The following SNX29 variants were observed in gnomAD, a reference collection of about 807,000 sequenced individuals.
The protein encoded by SNX29 is sorting nexin 29.
SNX29 carries 78 observed loss-of-function variants against 102.1 expected under a neutral mutation model. That is an observed-to-expected ratio of 0.76 (90% CI 0.64 to 0.92). The LOEUF is 0.92. SNX29 is among the 40% of genes least tolerant of loss of function. The probability of loss-of-function intolerance (pLI) is 0.00; values close to 1 mark genes in which losing one functional copy is unlikely to be tolerated. For synonymous variants in SNX29, 580 were observed against 414.5 expected, an observed-to-expected ratio of 1.40 and a Z score of -4.85; for missense variants, 1,280 against 1,061.7, an observed-to-expected ratio of 1.21 and a Z score of -2.86.
intron 13 of SNX29, among the ~76,000 whole-genome samples, chr16:12,155,320 G>A (rs1457850477): frequency 6.6e-6 from 1 of 152,220 alleles, no homozygotes; most frequent in Admixed American, 6.5e-5. Context: ...CCTGTGTTAA[G>A]TCGGTGGATT....
intron 13 of SNX29, among the ~76,000 whole-genome samples, chr16:12,152,223 A>G (rs887811923): frequency 5.9e-5 from 9 of 152,128 alleles, no homozygotes; most frequent in African/African-American, 2.2e-4. Flanking sequence ...CCTATCTTAA[A>G]AAAAAAATGC....
chr16:12,570,116 G>C lies in SNX29; in HGVS notation c.*1487G>C, dbSNP rs60991168. Reference sequence around the variant, plus strand: ...TCCCCTCGTAGCAAAAAGGAAGATTGTTCATGGCCTTTAAGGAAGGCTGAG... The same window carrying C: ...TCCCCTCGTAGCAAAAAGGAAGATTCTTCATGGCCTTTAAGGAAGGCTGAG... On this transcript the variant is annotated 3_prime_UTR_variant, in exon 21 of 21. Coordinates refer to ENST00000566228, the MANE Select transcript of SNX29 (RefSeq NM_032167.5). 9.7e-7 allele frequency: 1 copy of C among 1,026,626 alleles called. No homozygotes were observed. The highest frequency in any genetic ancestry group is 1.2e-6 in the Non-Finnish European group (1 of 844,356). 63.6% of individuals were successfully genotyped at this position (1,026,626 alleles called of 1,614,324 possible).
intron 18 of SNX29, among the ~76,000 whole-genome samples, chr16:12,426,403 A>G (rs2085081705): frequency 6.6e-6 from 1 of 152,050 alleles, no homozygotes; most frequent in Non-Finnish European, 1.5e-5. Context: ...GTGACACGTC[A>G]CTCCCTCAAA....
rs1481926934 is a variant in SNX29, at chr16:12,398,467, AC to A, written c.1922del (p.Thr641SerfsTer17). ...RGPVPGDLSQ[T>X]SEDQSLSDFE... ...GTAGGTGCCTGGAGATTTGAGTCAA[AC>A]GTCCGAAGACCAGAGTTTGTCGGAT... is the stretch of plus-strand genomic sequence containing the variant. On this transcript the variant is annotated frameshift_variant, in exon 17 of 21. Coordinates refer to ENST00000566228, the MANE Select transcript of SNX29 (RefSeq NM_032167.5). LOFTEE classifies it high-confidence loss of function. 6.2e-7 allele frequency: 1 copy of A among 1,613,972 alleles called. No homozygotes were observed. The highest frequency in any genetic ancestry group is 8.5e-7 in the Non-Finnish European group (1 of 1,179,874).
rs563859683 is a variant in SNX29, at chr16:12,570,146, C to A, written c.*1517C>A. 8.5e-6 allele frequency: 9 copies of A among 1,063,276 alleles called. No individual in the cohort carries two copies. Among genetic ancestry groups the A allele is most frequent in the Non-Finnish European group, 1.0e-5 (9 of 877,580 alleles). The allele number at this position is 1,063,276 out of a possible 1,614,324, so 65.9% of individuals were successfully genotyped here. ...TGGCCTTTAAGGAAGGCTGAGATCA[C>A]TCACACACAGCGCCCCCCCACCCCA... On this transcript the variant is annotated 3_prime_UTR_variant, in exon 21 of 21. Transcript: ENST00000566228.
At chr16:12,063,352 T>C (rs1321876811) in intron 9 of SNX29, among the ~76,000 whole-genome samples, 4 of 147,514 alleles carry the variant, frequency 2.7e-5, no homozygotes, top group Non-Finnish European at 6.0e-5. Context: ...CCACCTCTTC[T>C]TTTCCTAGTC....
At chr16:12,314,272 T>C (rs2080659565) in intron 15 of SNX29, among the ~76,000 whole-genome samples, 1 of 152,266 alleles carries the variant, frequency 6.6e-6, no homozygotes, top group African/African-American at 2.4e-5. Context: ...GTACTGGCAT[T>C]ACAGGCATGA....
intron 16 of SNX29, among the ~76,000 whole-genome samples, chr16:12,358,131 G>A (rs542331422): frequency 3.9e-5 from 6 of 152,160 alleles, no homozygotes; most frequent in Non-Finnish European, 5.9e-5. Flanking sequence ...GCGTTTTAGT[G>A]TATGGCGTCT....
chr16:12,006,136 C>G (rs1052706912), intron 3 of SNX29, among the ~76,000 whole-genome samples: 1 of 151,266 alleles, frequency 6.6e-6, no homozygotes, highest in East Asian at 1.9e-4. Context: ...GCCAGGAGTT[C>G]AAGGCTGCGG....
At chr16:12,030,937 C>G (rs1324528129) in intron 4 of SNX29, among the ~76,000 whole-genome samples, 1 of 152,198 alleles carries the variant, frequency 6.6e-6, no homozygotes, top group Non-Finnish European at 1.5e-5. Context: ...TGCCACGCCC[C>G]TGCCTTGGGA....
intron 16 of SNX29, among the ~76,000 whole-genome samples, chr16:12,369,770 C>T (rs1375146562): frequency 7.2e-5 from 11 of 152,220 alleles, no homozygotes; most frequent in Non-Finnish European, 1.6e-4. Flanking sequence ...AATAGTTGTA[C>T]AAGTCTTCTA....
intron 13 of SNX29, among the ~76,000 whole-genome samples, chr16:12,149,667 C>T (rs925021650): frequency 1.3e-5 from 2 of 152,110 alleles, no homozygotes; most frequent in African/African-American, 4.8e-5. Context: ...GTTTAAAAAT[C>T]ATGAAAATGG....
At chr16:12,101,130 G>A (rs1371861834) in intron 11 of SNX29, among the ~76,000 whole-genome samples, 1 of 152,076 alleles carries the variant, frequency 6.6e-6, no homozygotes, top group Non-Finnish European at 1.5e-5. Context: ...GAATTGGCAC[G>A]TTTTAGACAT....
chr16:12,013,539 A>C (rs1470107013), intron 3 of SNX29, among the ~76,000 whole-genome samples: 11 of 121,180 alleles, frequency 9.1e-5, no homozygotes, highest in African/African-American at 3.3e-4. Flanking sequence ...ATATATATAT[A>C]TATCGAGAGA....
intron 14 of SNX29, among the ~76,000 whole-genome samples, chr16:12,266,680 A>G (rs1310179148): frequency 1.7e-5 from 1 of 58,660 alleles, no homozygotes; most frequent in Admixed American, 2.5e-4. Context: ...TTCCCCATCT[A>G]TTATTGAAAA....
chr16:11,977,731 C>G (rs1451997114), intron 1 of SNX29: 1 of 152,384 alleles, frequency 6.6e-6, no homozygotes, highest in African/African-American at 2.4e-5. Context: ...AGTTTAGTCC[C>G]TTGACTCTAC....
At chr16:12,270,693 A>G (rs561460025) in intron 14 of SNX29, among the ~76,000 whole-genome samples, 2 of 152,256 alleles carry the variant, frequency 1.3e-5, no homozygotes, top group East Asian at 1.9e-4. Context: ...CATGTCATCT[A>G]CATGAAATGA....
At chr16:12,290,874 G>C (rs993039467) in intron 15 of SNX29, among the ~76,000 whole-genome samples, 1 of 152,180 alleles carries the variant, frequency 6.6e-6, no homozygotes, top group Non-Finnish European at 1.5e-5. Context: ...ATGATGCATA[G>C]CTAGAAAATG....
chr16:12,556,031 G>C (rs557091352), intron 20 of SNX29, among the ~76,000 whole-genome samples: 1 of 152,136 alleles, frequency 6.6e-6, no homozygotes, highest in Non-Finnish European at 1.5e-5. Context: ...CCATGCCACC[G>C]TAGTGCTGAG....
Sources: gnomAD v4.1 joint callset for allele counts (sites outside exome capture counted in the v4.1 genomes callset) on GRCh38, gnomAD v4.1.1 for gene constraint, MANE v1.5 for transcripts, NCBI Gene and HGNC (gene_info 2026-07-23, HGNC 2026-07-21) for gene names.